Variants in PARD3B observed in about 807,000 individuals in gnomAD.
The protein encoded by PARD3B is par-3 family cell polarity regulator beta, also known as partitioning defective 3 homolog B.
Under a neutral mutation model 130.2 loss-of-function variants are expected in PARD3B, and 103 were observed. That is an observed-to-expected ratio of 0.79 (90% confidence interval 0.67 to 0.93). The LOEUF is 0.93. PARD3B is among the 40% of genes least tolerant of loss of function. The pLI, the probability that PARD3B is intolerant of heterozygous loss-of-function variation, is 0.00. For synonymous variants in PARD3B, 583 were observed against 553.2 expected, an observed-to-expected ratio of 1.05 and a Z score of -0.76; for missense variants, 1,609 against 1,499.2, an observed-to-expected ratio of 1.07 and a Z score of -1.21.
At chr2:205,509,371 C>T (rs2050503149) in intron 21 of PARD3B, among the ~76,000 whole-genome samples, 3 of 152,100 alleles carry the variant, frequency 2.0e-5, no homozygotes, top group Admixed American at 2.0e-4. Flanking sequence ...TTTCTGGACA[C>T]ATTTTTTTGG....
intron 18 of PARD3B, among the ~76,000 whole-genome samples, chr2:205,356,621 T>C (rs947080835): frequency 6.6e-6 from 1 of 152,208 alleles, no homozygotes; most frequent in African/African-American, 2.4e-5. Flanking sequence ...CCAGCCGTGA[T>C]GGCTAACGCC....
At chr2:204,557,258 C>T (rs996123778) in intron 1 of PARD3B, among the ~76,000 whole-genome samples, 3 of 152,140 alleles carry the variant, frequency 2.0e-5, no homozygotes, top group Non-Finnish European at 4.4e-5. Flanking sequence ...CTGGATGTCC[C>T]ACAGACAATT....
chr2:205,472,952 A>C (rs1252134348), intron 20 of PARD3B, among the ~76,000 whole-genome samples: 1 of 152,136 alleles, frequency 6.6e-6, no homozygotes, highest in Non-Finnish European at 1.5e-5. Context: ...CCAATAAATA[A>C]GTGAATGAAT....
chr2:205,216,558 C>G (rs1039010643), intron 15 of PARD3B, among the ~76,000 whole-genome samples: 2 of 151,870 alleles, frequency 1.3e-5, no homozygotes, highest in Admixed American at 1.3e-4. Context: ...AATAAAAAAG[C>G]AGAAGCCTGT....
At chr2:205,491,002 A>G (rs1383054889) in intron 20 of PARD3B, among the ~76,000 whole-genome samples, 1 of 152,140 alleles carries the variant, frequency 6.6e-6, no homozygotes, top group Non-Finnish European at 1.5e-5. Context: ...GATTCTGGAT[A>G]TTAGACCTTT....
chr2:205,125,917 A>T lies in PARD3B; in HGVS notation c.1434+180A>T, dbSNP rs773527620. On this transcript the variant is annotated intron_variant, in intron 10 of 22. Transcript: ENST00000406610. The surrounding 1 kb of genome is among the most constrained non-coding windows in gnomAD (Gnocchi z 4.0). The stretch of plus-strand genomic sequence containing the variant: ...GCATTTTTAAAACATTGATACAGCC[A>T]GTGGGTATATGTAAACAGTGATTCC... 3.9e-5 allele frequency among the ~76,000 whole-genome samples: 6 copies of T among 152,208 alleles called. No individual in the cohort carries two copies. Among genetic ancestry groups the T allele is most frequent in the Non-Finnish European group, 8.8e-5 (6 of 68,036 alleles).
intron 15 of PARD3B, among the ~76,000 whole-genome samples, chr2:205,203,667 T>G (rs2037117117): frequency 6.6e-6 from 1 of 152,162 alleles, no homozygotes; most frequent in African/African-American, 2.4e-5. Flanking sequence ...GTGTTCTCAT[T>G]GTTCAACTGC....
intron 1 of PARD3B, among the ~76,000 whole-genome samples, chr2:204,662,441 G>A (rs1303263138): frequency 6.6e-6 from 1 of 152,058 alleles, no homozygotes; most frequent in Non-Finnish European, 1.5e-5. Context: ...AACCAGTCTG[G>A]AAAACCATCA....
At chr2:204,752,623 A>C (rs1045893853) in intron 2 of PARD3B, among the ~76,000 whole-genome samples, 1 of 152,172 alleles carries the variant, frequency 6.6e-6, no homozygotes, top group African/African-American at 2.4e-5. Flanking sequence ...GTTCAATTCT[A>C]GGAACAACTA....
Position 204,886,201 on chromosome 2 carries a change from G to T in PARD3B, c.223-78951G>T, listed in dbSNP as rs542612809. On this transcript the variant is annotated intron_variant, in intron 2 of 22. Transcript: ENST00000406610. Reference sequence around the variant, plus strand: ...CTAGTGGATCTTCTCTGGGTGGATTGGTTCCATCTACCGAATGGGATATGA... The same window carrying T: ...CTAGTGGATCTTCTCTGGGTGGATTTGTTCCATCTACCGAATGGGATATGA... Among the ~76,000 whole-genome samples, 18 of 152,278 alleles carry T rather than the reference G, an allele frequency of 1.2e-4. No homozygotes were observed. In the South Asian group the frequency reaches 3.7e-3, roughly 32 times the overall value.
chr2:204,864,358 C>G (rs926334747), intron 2 of PARD3B, among the ~76,000 whole-genome samples: 2 of 152,096 alleles, frequency 1.3e-5, no homozygotes, highest in Non-Finnish European at 2.9e-5. Flanking sequence ...ATGATCTGGC[C>G]CTACTATCTT....
rs141948825 is a variant in PARD3B, at chr2:204,952,261, A to G, written c.223-12891A>G. ...TATTTGTGCATATTTTTATTGTAAT[A>G]GCTTTTATCCATCTGTATTTGTTTA... is the stretch of plus-strand genomic sequence containing the variant. On this transcript the variant is annotated intron_variant, in intron 2 of 22. Coordinates refer to ENST00000406610, the MANE Select transcript of PARD3B (RefSeq NM_001302769.2). Among the ~76,000 whole-genome samples, 50 of 152,346 alleles carry G rather than the reference A, an allele frequency of 3.3e-4. 1 individual carries two copies. The highest frequency in any genetic ancestry group is 7.8e-4 in the Admixed American group (12 of 15,308).
intron 20 of PARD3B, among the ~76,000 whole-genome samples, chr2:205,489,499 A>ATATATATATACG (rs2049587374): frequency 1.8e-5 from 1 of 54,958 alleles, no homozygotes; most frequent in Non-Finnish European, 3.9e-5. Context: ...ATATGTGTGT[A>ATATATATATACG]TATATATATA....
chr2:205,016,598 A>G (rs1445722105), intron 3 of PARD3B, among the ~76,000 whole-genome samples: 4 of 152,194 alleles, frequency 2.6e-5, no homozygotes, highest in Non-Finnish European at 5.9e-5. Flanking sequence ...GGGTACTCTG[A>G]TTCCCATGGA....
intron 2 of PARD3B, among the ~76,000 whole-genome samples, chr2:204,820,401 A>C (rs1176915232): frequency 2.0e-5 from 3 of 152,004 alleles, no homozygotes; most frequent in Non-Finnish European, 2.9e-5. Flanking sequence ...TTATGTAGAC[A>C]AAACAGCTCT....
intron 3 of PARD3B, among the ~76,000 whole-genome samples, chr2:205,031,165 T>C (rs73054972): frequency 0.011 from 1,617 of 152,142 alleles, 29 homozygotes; most frequent in African/African-American, 0.036. Flanking sequence ...AATTAAAAGG[T>C]TCAGCAATGT....
At chr2:204,683,698 G>A (rs190310197) in intron 1 of PARD3B, among the ~76,000 whole-genome samples, 1 of 152,174 alleles carries the variant, frequency 6.6e-6, no homozygotes, top group Admixed American at 6.5e-5. Context: ...TTCAGGGTTA[G>A]GTGTAGATAT....
At chr2:205,607,891 G>C (rs1159887272) in intron 22 of PARD3B, among the ~76,000 whole-genome samples, 1 of 146,314 alleles carries the variant, frequency 6.8e-6, no homozygotes, top group East Asian at 2.0e-4. Flanking sequence ...GAGGCATGAA[G>C]ATGGAAGTGT....
chr2:204,623,270 A>T lies in PARD3B; in HGVS notation c.121-62911A>T, dbSNP rs767986733. ...ATAGCTATAGGACAATATCAAAACC[A>T]GCATAAAAATCAGAATATTGGCATC... On this transcript the variant is annotated intron_variant, in intron 1 of 22. Transcript: ENST00000406610. This position sits in a 1 kb window ranked among gnomAD's most constrained non-coding sequence, Gnocchi z 4.5. 1.3e-5 allele frequency among the ~76,000 whole-genome samples: 2 copies of T among 152,190 alleles called. No homozygotes were observed. The highest frequency in any genetic ancestry group is 2.9e-5 in the Non-Finnish European group (2 of 68,012).
Sources: allele counts gnomAD v4.1 joint callset (sites outside exome capture counted in the v4.1 genomes callset), GRCh38; gene constraint gnomAD v4.1.1; non-coding constraint Gnocchi (gnomAD v3.1); transcripts MANE v1.5; gene names NCBI Gene and HGNC (gene_info 2026-07-23, HGNC 2026-07-21).